The following HCRTR2 variants were observed in gnomAD, a reference collection of about 807,000 sequenced individuals.
The protein encoded by HCRTR2 is orexin receptor type 2.
HCRTR2 carries 22 observed loss-of-function variants against 49.0 expected under a neutral mutation model. That is an observed-to-expected ratio of 0.45 (90% CI 0.32 to 0.64). The LOEUF is 0.64. HCRTR2 is among the 30% of genes least tolerant of loss of function. The pLI is 0.04. For missense variants in HCRTR2, 491 were observed against 559.4 expected (o/e 0.88, Z 1.23); for synonymous variants, 236 against 205.3 (o/e 1.15, Z -1.28).
chr6:55,186,254 T>G (rs34694541), intron 1 of HCRTR2, among the ~76,000 whole-genome samples: 21,611 of 152,244 alleles, frequency 0.14, 2,024 homozygotes, highest in Non-Finnish European at 0.21. Flanking sequence ...GCAGGAGGAA[T>G]TTTTTACATA....
chr6:55,127,038 TG>T (rs1764288526), intron 1 of HCRTR2, among the ~76,000 whole-genome samples: 3 of 152,268 alleles, frequency 2.0e-5, no homozygotes, highest in Admixed American at 2.0e-4. Flanking sequence ...GCTGACCACT[TG>T]GCTGCCTGGC....
intron 1 of HCRTR2, among the ~76,000 whole-genome samples, chr6:55,135,444 C>T (rs958397143): frequency 3.3e-5 from 5 of 152,074 alleles, no homozygotes; most frequent in Non-Finnish European, 7.4e-5. Context: ...AATATCACTA[C>T]TCATCTGTTA....
intron 1 of HCRTR2, among the ~76,000 whole-genome samples, chr6:55,234,190 A>T (rs1296774523): frequency 2.6e-5 from 4 of 152,180 alleles, no homozygotes. Context: ...TCTCTCCAGG[A>T]TCAGATATTA....
chr6:55,116,063 T>A (rs1325203997), intron 1 of HCRTR2, among the ~76,000 whole-genome samples: 4 of 151,724 alleles, frequency 2.6e-5, no homozygotes, highest in African/African-American at 4.8e-5. Flanking sequence ...CCATTTTTTT[T>A]AACTTTTACA....
At chr6:55,263,443 G>A (rs1043320487) in intron 3 of HCRTR2, among the ~76,000 whole-genome samples, 1 of 151,980 alleles carries the variant, frequency 6.6e-6, no homozygotes, top group African/African-American at 2.4e-5. Flanking sequence ...ACTTTGGGTA[G>A]CACAAATTAA....
chr6:55,267,312 G>A (rs1766877716), intron 4 of HCRTR2, among the ~76,000 whole-genome samples: 2 of 151,570 alleles, frequency 1.3e-5, no homozygotes, highest in Non-Finnish European at 2.9e-5. Context: ...AGCAAATTGT[G>A]TGTCCTTGTC....
intron 1 of HCRTR2, among the ~76,000 whole-genome samples, chr6:55,206,102 A>G (rs1185453727): frequency 2.0e-5 from 3 of 152,134 alleles, no homozygotes; most frequent in South Asian, 4.1e-4. Context: ...TAAATATTTA[A>G]TCAGACTTTG....
intron 1 of HCRTR2, among the ~76,000 whole-genome samples, chr6:55,169,103 G>C (rs1212527957): frequency 1.3e-5 from 2 of 151,378 alleles, no homozygotes; most frequent in Non-Finnish European, 2.9e-5. Context: ...TATACCTTAG[G>C]GCATTTGCTT....
intron 1 of HCRTR2, among the ~76,000 whole-genome samples, chr6:55,144,766 G>A (rs1043482547): frequency 2.6e-5 from 4 of 151,644 alleles, no homozygotes; most frequent in African/African-American, 9.7e-5. Flanking sequence ...AAATTTCCAA[G>A]TGATATGACC....
upstream of HCRTR2, among the ~76,000 whole-genome samples, chr6:55,173,110 C>G (rs147315083): frequency 1.3e-5 from 2 of 152,166 alleles, no homozygotes; most frequent in African/African-American, 4.8e-5. Context: ...TATAAAGGAG[C>G]GCTGGGGCTG....
chr6:55,266,968 T>A (rs777759363), intron 4 of HCRTR2, among the ~76,000 whole-genome samples: 21 of 152,196 alleles, frequency 1.4e-4, no homozygotes, highest in Non-Finnish European at 2.8e-4. Flanking sequence ...ACAAGCCACA[T>A]GATTCAGAAG....
At chr6:55,276,446 G>T (rs575009857) in intron 4 of HCRTR2, among the ~76,000 whole-genome samples, 2 of 152,246 alleles carry the variant, frequency 1.3e-5, no homozygotes, top group Admixed American at 1.3e-4. Flanking sequence ...GTCAGTACTG[G>T]TTTGCCGCAC....
At chr6:55,186,167 T>C (rs1180768540) in intron 1 of HCRTR2, among the ~76,000 whole-genome samples, 2 of 152,250 alleles carry the variant, frequency 1.3e-5, no homozygotes, top group Non-Finnish European at 2.9e-5. Context: ...TGTTTGCCAA[T>C]GTATCCTCAG....
chr6:55,199,462 C>A (rs1461031212), intron 1 of HCRTR2, among the ~76,000 whole-genome samples: 3 of 151,954 alleles, frequency 2.0e-5, no homozygotes. Context: ...CTTTCTAATT[C>A]ATTAATATGA....
At chr6:55,154,970 C>A (rs541678131) in intron 1 of HCRTR2, among the ~76,000 whole-genome samples, 1 of 151,752 alleles carries the variant, frequency 6.6e-6, no homozygotes, top group Non-Finnish European at 1.5e-5. Flanking sequence ...AGGAAACAAT[C>A]CCCATTACAA....
intron 1 of HCRTR2, among the ~76,000 whole-genome samples, chr6:55,200,234 CTT>C (rs1491123184): frequency 1.0e-5 from 1 of 98,868 alleles, no homozygotes; most frequent in Non-Finnish European, 2.0e-5. Flanking sequence ...TGTTTGCTGT[CTT>C]GTGTGTGTGT....
chr6:55,198,316 A>G (rs1305453109), intron 1 of HCRTR2, among the ~76,000 whole-genome samples: 1 of 152,116 alleles, frequency 6.6e-6, no homozygotes, highest in African/African-American at 2.4e-5. Context: ...CATTAACCCC[A>G]AACTTATCAT....
upstream of HCRTR2, among the ~76,000 whole-genome samples, chr6:55,173,349 G>C (rs1764979101): frequency 6.6e-6 from 1 of 152,188 alleles, no homozygotes; most frequent in Non-Finnish European, 1.5e-5. Context: ...TGTCAGCAAT[G>C]TTATCAGGAG....
At chr6:55,160,925 G>A (rs1467874528) in intron 1 of HCRTR2, among the ~76,000 whole-genome samples, 2 of 152,080 alleles carry the variant, frequency 1.3e-5, no homozygotes, top group Non-Finnish European at 2.9e-5. Flanking sequence ...ACAGATCAAT[G>A]AGACAGAAAA....
Sources: gnomAD v4.1 joint callset for allele counts (sites outside exome capture counted in the v4.1 genomes callset) on GRCh38, gnomAD v4.1.1 for gene constraint, MANE v1.5 for transcripts, NCBI Gene and HGNC (gene_info 2026-07-23, HGNC 2026-07-21) for gene names.